The following GRAMD2B variants were observed in gnomAD, a reference collection of about 807,000 sequenced individuals.
The protein encoded by GRAMD2B is GRAM domain-containing protein 2B.
GRAMD2B carries 41 observed loss-of-function variants against 59.2 expected under a neutral mutation model. That is an observed-to-expected ratio of 0.69 (90% CI 0.54 to 0.90). GRAMD2B has a LOEUF of 0.90. GRAMD2B is among the 40% of genes least tolerant of loss of function. The probability of loss-of-function intolerance (pLI) is 0.00; values close to 1 mark genes in which losing one functional copy is unlikely to be tolerated. For missense variants in GRAMD2B, 424 were observed against 500.5 expected (o/e 0.85, Z 1.46); for synonymous variants, 161 against 182.7 (o/e 0.88, Z 0.96).
At chr5:126,486,645 C>A (rs1772984897) in intron 11 of GRAMD2B, among the ~76,000 whole-genome samples, 1 of 152,120 alleles carries the variant, frequency 6.6e-6, no homozygotes. Context: ...TTAGAAGGGC[C>A]ATTATTTGCA....
At chr5:126,374,815 CAT>C (rs1755047330) in intron 1 of GRAMD2B, among the ~76,000 whole-genome samples, 1 of 152,186 alleles carries the variant, frequency 6.6e-6, no homozygotes, top group Admixed American at 6.5e-5. Flanking sequence ...CCAGCTCTGT[CAT>C]ATATCACTGT....
At chr5:126,448,148 A>C (rs899866915) in intron 1 of GRAMD2B, among the ~76,000 whole-genome samples, 1 of 152,084 alleles carries the variant, frequency 6.6e-6, no homozygotes, top group Non-Finnish European at 1.5e-5. Context: ...GAGCCACAGC[A>C]CCTGACCCCA....
Position 126,469,253 on chromosome 5 carries a change from G to T in GRAMD2B, c.204-424G>T, listed in dbSNP as rs141411999. On this transcript the variant is annotated intron_variant, in intron 2 of 13. Transcript: ENST00000285689. The stretch of plus-strand genomic sequence containing the variant: ...TGTGTAAATATTCTCAGAGTATCAT[G>T]AATGATTTTTGATATCCAGAAAAGA... 2.5e-3 allele frequency among the ~76,000 whole-genome samples: 385 copies of T among 152,246 alleles called. 2 individuals are homozygous for T. Among genetic ancestry groups the T allele is most frequent in the African/African-American group, 9.0e-3 (373 of 41,544 alleles).
chr5:126,411,355 A>C (rs1561489423), intron 1 of GRAMD2B, among the ~76,000 whole-genome samples: 1 of 152,126 alleles, frequency 6.6e-6, no homozygotes, highest in Non-Finnish European at 1.5e-5. Flanking sequence ...TTTATTGAAA[A>C]GGGAGTCCTT....
chr5:126,428,048 C>T (rs943261935), intron 1 of GRAMD2B, among the ~76,000 whole-genome samples: 1 of 152,120 alleles, frequency 6.6e-6, no homozygotes, highest in African/African-American at 2.4e-5. Context: ...GCCTGGCCAA[C>T]ATGGTGAAAC....
At chr5:126,458,883 C>T (rs547329317) in intron 1 of GRAMD2B, 7 of 152,304 alleles carry the variant, frequency 4.6e-5, no homozygotes, top group African/African-American at 1.7e-4. Context: ...GTTTTCTTAT[C>T]CCCCGTTGAT....
chr5:126,445,526 T>A (rs1764051826), intron 1 of GRAMD2B: 1 of 151,804 alleles, frequency 6.6e-6, no homozygotes. Flanking sequence ...TGACACAAAG[T>A]ATTGACGGGC....
chr5:126,454,719 G>A (rs1765966440), intron 1 of GRAMD2B, among the ~76,000 whole-genome samples: 1 of 152,142 alleles, frequency 6.6e-6, no homozygotes, highest in Admixed American at 6.5e-5. Context: ...GGAGCCAGAT[G>A]GTGGCCTCTG....
rs1580892748 is a variant in GRAMD2B, at chr5:126,423,780, AT to A, written c.83+94del. Reference sequence around the variant, plus strand: ...CGGGACGCATTTTGGGTGGATGCGGATTTCTGGAGCTCCTATATGGACAATC... The same window carrying A: ...CGGGACGCATTTTGGGTGGATGCGGATTCTGGAGCTCCTATATGGACAATC... On this transcript the variant is annotated intron_variant, in intron 1 of 13. Coordinates refer to ENST00000285689, the MANE Select transcript of GRAMD2B (RefSeq NM_023927.4). The A allele has an allele frequency of 1.6e-5, 21 of 1,286,454 alleles. No individual in the cohort carries two copies. In the East Asian group the frequency reaches 5.6e-4, roughly 35 times the overall value. The allele number at this position is 1,286,454 out of a possible 1,614,324, so 79.7% of individuals were successfully genotyped here.
intron 1 of GRAMD2B, among the ~76,000 whole-genome samples, chr5:126,456,282 C>A (rs1291522243): frequency 6.6e-6 from 1 of 152,186 alleles, no homozygotes; most frequent in Non-Finnish European, 1.5e-5. Flanking sequence ...ACAATCACGG[C>A]TCACTGCAGC....
At chr5:126,486,130 A>G (rs538671028) in intron 11 of GRAMD2B, among the ~76,000 whole-genome samples, 1 of 152,324 alleles carries the variant, frequency 6.6e-6, no homozygotes, top group South Asian at 2.1e-4. Flanking sequence ...TTTGATACAT[A>G]TAATGTATAC....
intron 1 of GRAMD2B, among the ~76,000 whole-genome samples, chr5:126,403,443 C>T (rs757795174): frequency 6.6e-6 from 1 of 151,978 alleles, no homozygotes; most frequent in Non-Finnish European, 1.5e-5. Context: ...TTGGCTGTTG[C>T]CTGTACTATG....
intron 1 of GRAMD2B, among the ~76,000 whole-genome samples, chr5:126,450,090 CAG>C (rs1765062625): frequency 6.6e-6 from 1 of 151,224 alleles, no homozygotes; most frequent in Admixed American, 6.6e-5. Context: ...AAACAGAAGA[CAG>C]AGTTACAGGA....
chr5:126,385,306 A>G (rs1430957131), intron 1 of GRAMD2B, among the ~76,000 whole-genome samples: 1 of 152,218 alleles, frequency 6.6e-6, no homozygotes, highest in South Asian at 2.1e-4. Flanking sequence ...AGCAATCCCA[A>G]ATATTTTATT....
At chr5:126,435,000 T>G (rs1276159826) in intron 1 of GRAMD2B, among the ~76,000 whole-genome samples, 4 of 152,196 alleles carry the variant, frequency 2.6e-5, no homozygotes, top group African/African-American at 9.6e-5. Flanking sequence ...CACAACCATT[T>G]TATCTAAGAT....
chr5:126,370,028 C>G (rs778482171), upstream of GRAMD2B, among the ~76,000 whole-genome samples: 2 of 152,112 alleles, frequency 1.3e-5, no homozygotes, highest in Non-Finnish European at 2.9e-5. Context: ...CGTGCTCTGT[C>G]AAGGAAGGAC....
chr5:126,492,588 G>A (rs1377451342), intron 13 of GRAMD2B, among the ~76,000 whole-genome samples: 2 of 152,012 alleles, frequency 1.3e-5, no homozygotes, highest in Admixed American at 6.6e-5. Context: ...AGGCATGATG[G>A]TGCACGCCTG....
chr5:126,437,119 G>A (rs1762540551), intron 1 of GRAMD2B, among the ~76,000 whole-genome samples: 1 of 152,214 alleles, frequency 6.6e-6, no homozygotes, highest in Non-Finnish European at 1.5e-5. Flanking sequence ...ACCCAGGGAT[G>A]TGATATAGCC....
intron 1 of GRAMD2B, among the ~76,000 whole-genome samples, chr5:126,462,970 A>T (rs1767646532): frequency 6.6e-6 from 1 of 152,218 alleles, no homozygotes; most frequent in South Asian, 2.1e-4. Flanking sequence ...CATGCACTGT[A>T]ATCTTTTCAG....
Sources: gnomAD v4.1 joint callset for allele counts (sites outside exome capture counted in the v4.1 genomes callset) on GRCh38, gnomAD v4.1.1 for gene constraint, MANE v1.5 for transcripts, NCBI Gene and HGNC (gene_info 2026-07-23, HGNC 2026-07-21) for gene names.